Variants in FLNB observed in about 807,000 individuals in gnomAD.
FLNB encodes the protein filamin B.
A neutral mutation model predicts 250.6 loss-of-function variants in FLNB; 111 were observed. That is an observed-to-expected ratio of 0.44 (90% CI 0.38 to 0.52). FLNB has a LOEUF of 0.52. Among genes scored for constraint, FLNB ranks in the 20% least tolerant of loss-of-function variants. The pLI is 0.00. For synonymous variants in FLNB, 1,302 were observed against 1,372.1 expected (o/e 0.95, Z 1.13); for missense variants, 2,869 against 3,447.8 (o/e 0.83, Z 4.20).
At position 58,123,454 on chromosome 3, in the gene FLNB, CG is replaced by C; in HGVS notation, c.3493del (p.Ala1165ProfsTer28). 1 of 1,609,170 alleles carries C rather than the reference CG, an allele frequency of 6.2e-7. No homozygotes were observed. Among genetic ancestry groups the C allele is most frequent in the Non-Finnish European group, 8.5e-7 (1 of 1,176,534 alleles). ...LLSVDCSEAG[P>X]GALGLEAVSD... The stretch of plus-strand genomic sequence containing the variant: ...AGCGTCGACTGCTCGGAAGCGGGAC[CG>C]GGGGCCCTGGGCCTGGAAGCTGTCT... On this transcript the variant is annotated frameshift_variant, in exon 21 of 46. Transcript: ENST00000295956. LOFTEE classifies it high-confidence loss of function.
chr3:58,167,583 A>G (rs2097372913), intron 43 of FLNB, among the ~76,000 whole-genome samples: 1 of 152,168 alleles, frequency 6.6e-6, no homozygotes, highest in African/African-American at 2.4e-5. Context: ...TGACTGAAGG[A>G]GGCTCTCCCT....
In FLNB at chr3:58,110,069, G is replaced by A. The variant is rs145413791; in HGVS notation, c.2383G>A (p.Val795Met). ...GGTGTTAAGTGAAGATGAGGAAGAC[G>A]TGGATTTTGACATTATTCACAATGC... The part of the protein sequence containing the change: ...ARVLSEDEED[V>M]DFDIIHNAND... Residue 795 changes from valine to methionine, a missense_variant, in exon 16 of 46, where the codon GTG becomes ATG. This residue lies in a region of FLNB where 1,348 missense variants were observed against 1,466.7 expected (regional missense o/e 0.92). Coordinates refer to ENST00000295956, the MANE Select transcript of FLNB (RefSeq NM_001457.4). 35 of 1,614,000 alleles carry A rather than the reference G, an allele frequency of 2.2e-5. No homozygotes were observed. The highest frequency in any genetic ancestry group is 4.5e-5 in the East Asian group (2 of 44,898).
chr3:58,116,779 C>T (rs1034817137), intron 18 of FLNB, among the ~76,000 whole-genome samples: 5 of 152,070 alleles, frequency 3.3e-5, no homozygotes, highest in African/African-American at 7.2e-5. Context: ...AATTTCTCAC[C>T]GCACGTTCCC....
rs1445316177 is a variant in FLNB at position 58,138,480 on chromosome 3, A to C, written c.5060A>C (p.Tyr1687Ser). 3.1e-6 allele frequency: 5 copies of C among 1,614,202 alleles called. No individual in the cohort carries two copies. Among genetic ancestry groups the C allele is most frequent in the South Asian group, 1.1e-5 (1 of 91,082 alleles). The change falls in exon 29 of 46, where the codon TAT becomes TCT. Residue 1687 changes from tyrosine (Y) to serine (S), a missense_variant. By Grantham distance (144) the Tyr-to-Ser change is moderately radical. Coordinates refer to ENST00000295956, the MANE Select transcript of FLNB (RefSeq NM_001457.4). ...GCCAAGCCGGGCACATATGTGATCT[A>C]TGTGCGCTTCGGTGGTGTTGATATT... ...TAAKPGTYVI[Y>S]VRFGGVDIPN... is the part of the protein sequence containing the mutation.
In FLNB at chr3:58,145,902, G is replaced by T. The variant is rs2097335132; in HGVS notation, c.5426-19G>T. On this transcript the variant is annotated intron_variant, in intron 32 of 45. Transcript: ENST00000295956. The stretch of plus-strand genomic sequence containing the variant: ...CCCTTAATGAGCACCAATTTTGTTT[G>T]TGTCCTTCGTAAACCCAGAGAGCCC... The T allele has an allele frequency of 1.2e-6, 2 of 1,613,970 alleles. No homozygotes were observed. The highest frequency in any genetic ancestry group is 1.7e-6 in the Non-Finnish European group (2 of 1,180,004).
intron 22 of FLNB, 85 bp downstream of exon 22, chr3:58,124,590 C>G: frequency 2.8e-6 from 4 of 1,420,422 alleles, no homozygotes; most frequent in Non-Finnish European, 3.9e-6. Flanking sequence ...GATGCCTGCC[C>G]CATGTGCTAG....
At chr3:58,148,001 C>T (rs1017307009) in intron 34 of FLNB, among the ~76,000 whole-genome samples, 4 of 152,216 alleles carry the variant, frequency 2.6e-5, no homozygotes, top group Admixed American at 6.5e-5. Flanking sequence ...GTCCTGCCAG[C>T]TTCTTGTCTT....
intron 1 of FLNB, among the ~76,000 whole-genome samples, chr3:58,060,435 C>T (rs1221308661): frequency 1.3e-5 from 2 of 150,484 alleles, no homozygotes; most frequent in African/African-American, 4.9e-5. Context: ...CTCACTGCAA[C>T]CTTCACCCCC....
chr3:58,084,424 G>A (rs764303677), intron 4 of FLNB, among the ~76,000 whole-genome samples: 1 of 151,946 alleles, frequency 6.6e-6, no homozygotes, highest in Admixed American at 6.6e-5. Flanking sequence ...AATGTGAGAC[G>A]GTTTCCTTTC....
At chr3:58,074,708 A>C (rs2097199307) in intron 1 of FLNB, among the ~76,000 whole-genome samples, 1 of 152,190 alleles carries the variant, frequency 6.6e-6, no homozygotes, top group African/African-American at 2.4e-5. Flanking sequence ...TGAAGTTCTT[A>C]AGTTTTGGAC....
chr3:58,126,551 A>T, intron 23 of FLNB, 51 bp from the exon 24 acceptor site: 1 of 1,590,868 alleles, frequency 6.3e-7, no homozygotes, highest in Non-Finnish European at 8.6e-7. Context: ...CAATAAGCAG[A>T]CCAGCATAAA....
chr3:58,054,237 C>T (rs1157683299), intron 1 of FLNB, among the ~76,000 whole-genome samples: 1 of 152,184 alleles, frequency 6.6e-6, no homozygotes, highest in East Asian at 1.9e-4. Context: ...GACTGTTCTA[C>T]CCTCCAGTCA....
In FLNB at chr3:58,024,724, TTTTTA is replaced by T. The variant is rs1464576754; in HGVS notation, c.292+15869_292+15873del. Among the ~76,000 whole-genome samples, 53 of 101,766 alleles carry T rather than the reference TTTTTA, an allele frequency of 5.2e-4. 3 individuals carry two copies. The South Asian group carries it at 0.01, about 20-fold the overall frequency. The allele number at this position is 101,766 out of a possible 152,430, so 66.8% of individuals were successfully genotyped here. A position where few individuals can be genotyped will look rare whatever the true frequency, so the allele number is the denominator to read the frequency against. On this transcript the variant is annotated intron_variant, in intron 1 of 45. Transcript: ENST00000295956. ...TCCTTTTTTTTTTTTTTTTTTTTTT[TTTTTA>T]ACCTTGAGACAGTCTTGCTTTGTTG... is the stretch of plus-strand genomic sequence containing the variant.
chr3:58,123,208 G>A lies in FLNB; in HGVS notation c.3242G>A (p.Cys1081Tyr). Reference protein sequence around the residue: ...GGLGLTVEGPCEAKIECSDNG... With the variant: ...GGLGLTVEGPYEAKIECSDNG... The stretch of plus-strand genomic sequence containing the variant: ...CTGGGCTTAACGGTGGAAGGTCCGT[G>A]CGAGGCCAAAATCGAGTGCTCCGAC... Residue 1081 changes from cysteine (C) to tyrosine (Y), a missense_variant, in exon 21 of 46, where the codon TGC becomes TAC. By Grantham distance (194) the Cys-to-Tyr change is radical. This residue lies in a region of FLNB where 1,348 missense variants were observed against 1,466.7 expected (regional missense o/e 0.92). Coordinates refer to ENST00000295956, the MANE Select transcript of FLNB (RefSeq NM_001457.4). 2 of 1,614,054 alleles carry A rather than the reference G, an allele frequency of 1.2e-6. No homozygotes were observed. Among genetic ancestry groups the A allele is most frequent in the Non-Finnish European group, 1.7e-6 (2 of 1,179,932 alleles).
chr3:58,109,794 T>C, intron 15 of FLNB, 95 bp downstream of exon 15: 7 of 1,539,754 alleles, frequency 4.5e-6, no homozygotes, highest in Non-Finnish European at 6.3e-6. Context: ...TAGGAAGTAG[T>C]CCATCTGAAT....
At chr3:58,130,495 G>A (rs2097305393) in intron 24 of FLNB, among the ~76,000 whole-genome samples, 1 of 152,158 alleles carries the variant, frequency 6.6e-6, no homozygotes, top group Non-Finnish European at 1.5e-5. Context: ...TGCAGTTGTG[G>A]GTTCCTGGGG....
At chr3:58,094,787 T>G (rs771580553) in intron 4 of FLNB, 49 bp from the exon 5 acceptor site, 2 of 1,504,826 alleles carry the variant, frequency 1.3e-6, no homozygotes, top group Non-Finnish European at 1.9e-6. Flanking sequence ...CGATGGCTCA[T>G]GACACACCCT....
At chr3:58,119,430 T>A (rs2097284654) in intron 19 of FLNB, among the ~76,000 whole-genome samples, 1 of 152,220 alleles carries the variant, frequency 6.6e-6, no homozygotes, top group Admixed American at 6.5e-5. Context: ...GAGTCAAGCA[T>A]AAATGCCAAA....
chr3:58,065,389 C>T (rs573821198), intron 1 of FLNB, among the ~76,000 whole-genome samples: 44 of 152,328 alleles, frequency 2.9e-4, no homozygotes, highest in African/African-American at 1.0e-3. Context: ...GTAGATTCAG[C>T]GAAGTAGCAA....
Sources: allele counts gnomAD v4.1 joint callset (sites outside exome capture counted in the v4.1 genomes callset), GRCh38; gene constraint gnomAD v4.1.1; regional missense constraint gnomAD v4.1.1; transcripts MANE v1.5; gene names NCBI Gene and HGNC (gene_info 2026-07-23, HGNC 2026-07-21).